PDE4D: variants seen among roughly 807,000 people sequenced by gnomAD.
The protein encoded by PDE4D is phosphodiesterase 4D, also known as 3',5'-cyclic-AMP phosphodiesterase 4D.
In PDE4D, 24 loss-of-function variants were observed where a neutral mutation model predicts 87.4. The observed-to-expected ratio is 0.27, with a 90% CI of 0.20 to 0.39. The LOEUF is 0.39. PDE4D is among the 10% of genes least tolerant of loss of function. The pLI is 1.00. For synonymous variants in PDE4D, 384 were observed against 383.2 expected, an observed-to-expected ratio of 1.00 and a Z score of -0.02; for missense variants, 714 against 1,041.0, an observed-to-expected ratio of 0.69 and a Z score of 4.32.
chr5:60,197,134 G>T (rs1420331610), intron 1 of PDE4D, among the ~76,000 whole-genome samples: 2 of 145,594 alleles, frequency 1.4e-5, no homozygotes, highest in African/African-American at 5.1e-5. Context: ...GATTAGATAG[G>T]AATAGGTAGC....
intron 1 of PDE4D, among the ~76,000 whole-genome samples, chr5:59,629,004 T>TA (rs1442212708): frequency 6.6e-6 from 1 of 152,078 alleles, no homozygotes; most frequent in African/African-American, 2.4e-5. Flanking sequence ...GAAAGCCCCT[T>TA]AAAAAACCAT....
chr5:60,091,849 G>A (rs927117942), intron 2 of PDE4D, among the ~76,000 whole-genome samples: 18 of 151,704 alleles, frequency 1.2e-4, no homozygotes, highest in Non-Finnish European at 2.1e-4. Flanking sequence ...TCAGGAGATC[G>A]AGACCATCCT....
chr5:59,668,267 C>T (rs1746405628), intron 1 of PDE4D, among the ~76,000 whole-genome samples: 1 of 152,254 alleles, frequency 6.6e-6, no homozygotes, highest in Admixed American at 6.5e-5. Flanking sequence ...TATGTAAAAG[C>T]AAGAGTAAAA....
intron 1 of PDE4D, among the ~76,000 whole-genome samples, chr5:59,476,590 C>T (rs2153654290): frequency 6.6e-6 from 1 of 152,164 alleles, no homozygotes; most frequent in East Asian, 1.9e-4. Flanking sequence ...GGCAGTTTTA[C>T]ATAAGCCTTA....
At chr5:59,953,977 G>C (rs1416753785) in intron 3 of PDE4D, among the ~76,000 whole-genome samples, 1 of 152,176 alleles carries the variant, frequency 6.6e-6, no homozygotes, top group Non-Finnish European at 1.5e-5. Context: ...CCAGGCTGGA[G>C]TGCGATGGCA....
intron 1 of PDE4D, among the ~76,000 whole-genome samples, chr5:59,774,854 C>T (rs1303077184): frequency 1.3e-5 from 2 of 151,830 alleles, no homozygotes; most frequent in South Asian, 2.1e-4. Flanking sequence ...ACCACCATGC[C>T]GGGCTAATTT....
chr5:59,584,648 A>C (rs545524640), intron 1 of PDE4D, among the ~76,000 whole-genome samples: 1 of 152,356 alleles, frequency 6.6e-6, no homozygotes, highest in South Asian at 2.1e-4. Flanking sequence ...ATGCAATAAA[A>C]ATAAAAAGTG....
intron 1 of PDE4D, among the ~76,000 whole-genome samples, chr5:59,878,721 A>T (rs1388527209): frequency 1.3e-5 from 2 of 152,056 alleles, no homozygotes; most frequent in African/African-American, 4.8e-5. Flanking sequence ...ACTTTTAAAA[A>T]AAACCTCTCT....
intron 1 of PDE4D, among the ~76,000 whole-genome samples, chr5:59,799,714 G>A (rs1443149732): frequency 6.6e-6 from 1 of 152,192 alleles, no homozygotes; most frequent in Non-Finnish European, 1.5e-5. Context: ...ACAAAGCAGA[G>A]AGAAGACATC....
intron 1 of PDE4D, among the ~76,000 whole-genome samples, chr5:59,289,744 A>C (rs1767659313): frequency 6.6e-6 from 1 of 152,028 alleles, no homozygotes; most frequent in Non-Finnish European, 1.5e-5. Flanking sequence ...AAATTATCCC[A>C]TTTGCAGAAA....
chr5:59,577,890 G>A (rs1823437599), intron 1 of PDE4D, among the ~76,000 whole-genome samples: 2 of 152,050 alleles, frequency 1.3e-5, no homozygotes, highest in African/African-American at 4.8e-5. Context: ...TTATCTTGGA[G>A]ACATAAAAGA....
At chr5:59,147,200 C>G (rs1328232069) in intron 5 of PDE4D, among the ~76,000 whole-genome samples, 1 of 152,144 alleles carries the variant, frequency 6.6e-6, no homozygotes, top group Non-Finnish European at 1.5e-5. Context: ...TGCTGTATAG[C>G]TACAACACTC....
intron 5 of PDE4D, among the ~76,000 whole-genome samples, chr5:59,073,520 T>A (rs867233476): frequency 3.6e-5 from 3 of 83,884 alleles, no homozygotes; most frequent in Admixed American, 1.2e-4. Context: ...GGGGGGCGGG[T>A]GGTTGGAGAT....
intron 2 of PDE4D, among the ~76,000 whole-genome samples, chr5:60,050,606 A>C (rs978190309): frequency 6.6e-6 from 1 of 152,172 alleles, no homozygotes; most frequent in Non-Finnish European, 1.5e-5. Context: ...GACCATCAAC[A>C]CTATGAAGAA....
rs919040312 is a variant in PDE4D at position 60,430,138 on chromosome 5, T to C, written c.-90+57804A>G. ...CTTCAGGGCAAGTTTCCGGAGCTCT[T>C]TGAGTGCCTGAGGGGCACGCTTCTT... On this transcript the variant is annotated intron_variant, in intron 1 of 16. Coordinates refer to the PDE4D transcript ENST00000502484. 8.4e-5 allele frequency: 44 copies of C among 524,970 alleles called. No homozygotes were observed. In the East Asian group the frequency reaches 1.1e-3, roughly 13 times the overall value. 32.5% of individuals were successfully genotyped at this position (524,970 alleles called of 1,614,324 possible).
At chr5:59,863,063 C>T (rs1215732758) in intron 1 of PDE4D, among the ~76,000 whole-genome samples, 1 of 152,174 alleles carries the variant, frequency 6.6e-6, no homozygotes, top group Non-Finnish European at 1.5e-5. Flanking sequence ...ACCCAAGCAA[C>T]ATTAAGAACT....
At chr5:60,296,711 A>G (rs1753426112) in intron 1 of PDE4D, among the ~76,000 whole-genome samples, 1 of 152,188 alleles carries the variant, frequency 6.6e-6, no homozygotes, top group Non-Finnish European at 1.5e-5. Flanking sequence ...CATCAATATT[A>G]GACTGGATAA....
At chr5:59,507,955 G>T (rs1340629288) in intron 1 of PDE4D, among the ~76,000 whole-genome samples, 1 of 151,998 alleles carries the variant, frequency 6.6e-6, no homozygotes, top group African/African-American at 2.4e-5. Context: ...AGGTTTGTGT[G>T]CTTTTTCCTC....
chr5:59,147,164 C>T (rs970153566), intron 5 of PDE4D, among the ~76,000 whole-genome samples: 1 of 152,212 alleles, frequency 6.6e-6, no homozygotes, highest in African/African-American at 2.4e-5. Flanking sequence ...AAGCCAGTCC[C>T]TGGTGCCAAA....
Sources: allele counts gnomAD v4.1 joint callset (sites outside exome capture counted in the v4.1 genomes callset), GRCh38; gene constraint gnomAD v4.1.1; transcripts MANE v1.5; gene names NCBI Gene and HGNC (gene_info 2026-07-23, HGNC 2026-07-21).